The following GRM7 variants were observed in gnomAD, a reference collection of about 807,000 sequenced individuals.
The protein encoded by GRM7 is glutamate metabotropic receptor 7.
GRM7 carries 35 observed loss-of-function variants against 84.5 expected under a neutral mutation model. That is an observed-to-expected ratio of 0.41 (90% CI 0.32 to 0.55). The LOEUF is 0.55. GRM7 is among the 20% of genes least tolerant of loss of function. GRM7 has a pLI of 0.19. For synonymous variants in GRM7, 487 were observed against 455.1 expected, an observed-to-expected ratio of 1.07 and a Z score of -0.89; for missense variants, 1,003 against 1,194.6, an observed-to-expected ratio of 0.84 and a Z score of 2.36.
chr3:7,718,794 T>C (rs1218028652), intron 9 of GRM7, among the ~76,000 whole-genome samples: 1 of 152,180 alleles, frequency 6.6e-6, no homozygotes, highest in African/African-American at 2.4e-5. Flanking sequence ...CATAAGGTCA[T>C]GCAGGACTGA....
At chr3:7,353,324 T>A (rs977339127) in intron 4 of GRM7, among the ~76,000 whole-genome samples, 5 of 152,072 alleles carry the variant, frequency 3.3e-5, no homozygotes, top group African/African-American at 1.2e-4. Context: ...ATGGTAGGAA[T>A]GAATATTAAG....
intron 2 of GRM7, among the ~76,000 whole-genome samples, chr3:7,162,385 AAGTGTCCC>A (rs1196939238): frequency 6.6e-6 from 1 of 152,164 alleles, no homozygotes; most frequent in Non-Finnish European, 1.5e-5. Flanking sequence ...CAAGGAGTTA[AAGTGTCCC>A]AGAGACCAAG....
chr3:6,906,065 G>T (rs558614839), intron 1 of GRM7, among the ~76,000 whole-genome samples: 36 of 152,148 alleles, frequency 2.4e-4, no homozygotes, highest in African/African-American at 8.4e-4. Flanking sequence ...GGGTTCAACT[G>T]GGAACATTTT....
chr3:7,053,185 A>C (rs2124958176), intron 1 of GRM7, among the ~76,000 whole-genome samples: 1 of 150,418 alleles, frequency 6.6e-6, no homozygotes, highest in African/African-American at 2.4e-5. Context: ...GCACTTATTT[A>C]CATTTATATA....
chr3:7,002,824 T>C (rs1695061223), intron 1 of GRM7, among the ~76,000 whole-genome samples: 1 of 152,160 alleles, frequency 6.6e-6, no homozygotes, highest in South Asian at 2.1e-4. Flanking sequence ...ATAGCCAAGG[T>C]ATAGAATTAA....
In GRM7 at chr3:7,099,526, ACG is replaced by A. The variant is rs1699011121; in HGVS notation, c.520-46924_520-46923del. On this transcript the variant is annotated intron_variant, in intron 1 of 9. Coordinates refer to ENST00000357716, the MANE Select transcript of GRM7 (RefSeq NM_000844.4). ...CATGTACACATATATGTATATGTACACGCATTATACATGTACACATATATGTA... is the reference window on the plus strand; with the variant it reads ...CATGTACACATATATGTATATGTACACATTATACATGTACACATATATGTA... 4.1e-5 allele frequency among the ~76,000 whole-genome samples: 6 copies of A among 147,816 alleles called. No individual in the cohort carries two copies. In the Admixed American group the frequency reaches 4.1e-4, roughly 10 times the overall value.
At chr3:7,612,655 A>G (rs1208831429) in intron 8 of GRM7, among the ~76,000 whole-genome samples, 1 of 152,250 alleles carries the variant, frequency 6.6e-6, no homozygotes, top group Non-Finnish European at 1.5e-5. Flanking sequence ...GCGTGGCATC[A>G]GAGGGAAGAA....
At chr3:7,474,635 GT>G (rs551879448) in intron 7 of GRM7, among the ~76,000 whole-genome samples, 117 of 152,008 alleles carry the variant, frequency 7.7e-4, no homozygotes, top group African/African-American at 2.6e-3. Context: ...TGGTATCAGA[GT>G]TTTTTTTAAG....
chr3:7,708,750 C>T (rs559526918), intron 9 of GRM7, among the ~76,000 whole-genome samples: 1 of 152,170 alleles, frequency 6.6e-6, no homozygotes, highest in South Asian at 2.1e-4. Context: ...TCTTCCCTAG[C>T]TCTCCCAGCA....
chr3:7,586,833 G>A (rs1035327115), intron 8 of GRM7, among the ~76,000 whole-genome samples: 9 of 152,184 alleles, frequency 5.9e-5, no homozygotes, highest in African/African-American at 1.7e-4. Flanking sequence ...GACCATTGAT[G>A]CATTGAGCAG....
rs1191660073 is a variant in GRM7, at chr3:6,861,299, G to C, written c.-90G>C. On this transcript the variant is annotated 5_prime_UTR_variant, in exon 1 of 10. Coordinates refer to ENST00000357716, the MANE Select transcript of GRM7 (RefSeq NM_000844.4). The surrounding 1 kb of genome is among the most constrained non-coding windows in gnomAD (Gnocchi z 6.4). Reference sequence around the variant, plus strand: ...CCTGCAGGAGCCCCTGGGCTTTCCCGGAGGAGCTCGCCCTGAAGGGCCCGG... The same window carrying C: ...CCTGCAGGAGCCCCTGGGCTTTCCCCGAGGAGCTCGCCCTGAAGGGCCCGG... The C allele has an allele frequency of 1.7e-6, 2 of 1,196,772 alleles. No homozygotes were observed. Among genetic ancestry groups the C allele is most frequent in the Non-Finnish European group, 2.2e-6 (2 of 912,538 alleles). The allele number at this position is 1,196,772 out of a possible 1,614,324, so 74.1% of individuals were successfully genotyped here.
chr3:7,060,348 C>T (rs1016974629), intron 1 of GRM7, among the ~76,000 whole-genome samples: 2 of 151,768 alleles, frequency 1.3e-5, no homozygotes, highest in Non-Finnish European at 2.9e-5. Flanking sequence ...CACCTCCTTG[C>T]ATTTGGGTGG....
rs534613069 is a variant in GRM7 at position 7,635,537 on chromosome 3, C to T, written c.2452-44512C>T. 3.3e-5 allele frequency among the ~76,000 whole-genome samples: 5 copies of T among 152,322 alleles called. 1 individual carries two copies. The highest frequency in any genetic ancestry group is 1.2e-4 in the African/African-American group (5 of 41,570). Reference sequence around the variant, plus strand: ...TTTGTCCACTGAAAGCAATAGTCTGCCCTGTTGCCTTTGCATGTAGTCTCT... The same window carrying T: ...TTTGTCCACTGAAAGCAATAGTCTGTCCTGTTGCCTTTGCATGTAGTCTCT... On this transcript the variant is annotated intron_variant, in intron 8 of 9. Coordinates refer to ENST00000357716, the MANE Select transcript of GRM7 (RefSeq NM_000844.4).
At chr3:7,686,908 G>T (rs1700607820) in intron 9 of GRM7, among the ~76,000 whole-genome samples, 2 of 152,166 alleles carry the variant, frequency 1.3e-5, no homozygotes, top group South Asian at 4.1e-4. Context: ...TACATTCAAA[G>T]AAGTGTACAC....
chr3:7,094,047 A>G (rs915090479), intron 1 of GRM7, among the ~76,000 whole-genome samples: 33 of 152,274 alleles, frequency 2.2e-4, no homozygotes, highest in African/African-American at 7.7e-4. Context: ...TTTAACAACT[A>G]TTTATTGAGC....
At chr3:7,157,488 T>A (rs1289164091) in intron 2 of GRM7, among the ~76,000 whole-genome samples, 1 of 152,024 alleles carries the variant, frequency 6.6e-6, no homozygotes, top group African/African-American at 2.4e-5. Flanking sequence ...ATGAAGGGAT[T>A]TTTTTTTCCT....
At chr3:6,967,486 C>T (rs892300713) in intron 1 of GRM7, among the ~76,000 whole-genome samples, 6 of 152,202 alleles carry the variant, frequency 3.9e-5, no homozygotes, top group African/African-American at 9.6e-5. Flanking sequence ...TGAGCCACCA[C>T]GCCTGGCTCG....
intron 1 of GRM7, among the ~76,000 whole-genome samples, chr3:7,110,954 G>A (rs753195219): frequency 5.3e-5 from 8 of 152,138 alleles, no homozygotes; most frequent in Non-Finnish European, 1.0e-4. Flanking sequence ...TGAAGTACAG[G>A]TTGTGAGCCA....
At chr3:7,587,899 A>G (rs1695591033) in intron 8 of GRM7, among the ~76,000 whole-genome samples, 1 of 152,120 alleles carries the variant, frequency 6.6e-6, no homozygotes, top group African/African-American at 2.4e-5. Flanking sequence ...CCCTTCAGAA[A>G]GAGGCCAGTG....
Sources: allele counts gnomAD v4.1 joint callset (sites outside exome capture counted in the v4.1 genomes callset), GRCh38; gene constraint gnomAD v4.1.1; non-coding constraint Gnocchi (gnomAD v3.1); transcripts MANE v1.5; gene names NCBI Gene and HGNC (gene_info 2026-07-23, HGNC 2026-07-21).